The following NADSYN1 variants were observed in gnomAD, a reference collection of about 807,000 sequenced individuals.
NADSYN1 encodes glutamine-dependent NAD(+) synthetase.
NADSYN1 carries 80 observed loss-of-function variants against 99.3 expected under a neutral mutation model. The ratio of observed to expected loss-of-function variants is 0.81; its 90% CI spans 0.67 to 0.97. The LOEUF (loss-of-function observed/expected upper bound fraction) is 0.97, where lower values mean the gene tolerates loss of function less well. NADSYN1 is among the 50% of genes least tolerant of loss of function. NADSYN1 has a pLI of 0.00. For missense variants in NADSYN1, 859 were observed against 948.5 expected (o/e 0.91, Z 1.24); for synonymous variants, 385 against 372.1 (o/e 1.03, Z -0.40).
Position 71,482,989 on chromosome 11 carries a change from G to A in NADSYN1, c.1291G>A (p.Ala431Thr). The stretch of plus-strand genomic sequence containing the variant: ...CTCCTCCCAGGAGACGTGCACCCGG[G>A]CCAGAGAGTTGGCCCAGCAGATTGG... ...KNSSQETCTR[A>T]RELAQQIGSH... Residue 431 changes from alanine to threonine, a missense_variant, in exon 14 of 21, where the codon GCC becomes ACC. Physicochemically the swap from Ala to Thr is moderately conservative, Grantham distance 58. Coordinates refer to ENST00000319023, the MANE Select transcript of NADSYN1 (RefSeq NM_018161.5). 1.2e-6 allele frequency: 2 copies of A among 1,612,348 alleles called. No homozygotes were observed. Among genetic ancestry groups the A allele is most frequent in the African/African-American group, 1.3e-5 (1 of 74,930 alleles).
At chr11:71,497,323 A>T in intron 18 of NADSYN1, 160 bp from the exon 19 acceptor site, 1 of 794,356 alleles carries the variant, frequency 1.3e-6, no homozygotes, top group Non-Finnish European at 2.0e-6. Flanking sequence ...CTACCTCCTT[A>T]CTGGCTGACT....
chr11:71,478,622 G>A (rs564387107), intron 10 of NADSYN1, 153 bp downstream of exon 10: 419 of 673,268 alleles, frequency 6.2e-4, no homozygotes, highest in Non-Finnish European at 9.1e-4. Context: ...AGGGGCTGGT[G>A]CCGCAGACAG....
intron 5 of NADSYN1, among the ~76,000 whole-genome samples, 170 bp from the exon 6 acceptor site, chr11:71,472,277 CTT>C (rs200618528): frequency 1.3e-5 from 2 of 152,210 alleles, no homozygotes; most frequent in Non-Finnish European, 2.9e-5. Context: ...CCTTCATACT[CTT>C]TTCTTTTTAC....
At chr11:71,475,983 G>A (rs951173037) in intron 9 of NADSYN1, 2 of 454,862 alleles carry the variant, frequency 4.4e-6, no homozygotes, top group Non-Finnish European at 8.8e-6. Context: ...CAAAGTGCTG[G>A]GATTACAGGT....
intron 13 of NADSYN1, 59 bp downstream of exon 13, chr11:71,482,084 G>C (rs902563099): frequency 2.7e-6 from 4 of 1,497,402 alleles, no homozygotes; most frequent in Non-Finnish European, 3.7e-6. Context: ...GGCTGCCTGA[G>C]TTAGGGACCT....
chr11:71,475,948 A>G, intron 9 of NADSYN1: 1 of 448,540 alleles, frequency 2.2e-6, no homozygotes, highest in Non-Finnish European at 4.5e-6. Context: ...TCCTGAGCTC[A>G]GGCAATCCAC....
In NADSYN1 at chr11:71,483,917, C is replaced by T. The variant is rs117951834; in HGVS notation, c.1320-395C>T. On this transcript the variant is annotated intron_variant, in intron 14 of 20. Transcript: ENST00000319023. The stretch of plus-strand genomic sequence containing the variant: ...GAGGAGAAACCTTGAAGACATGGTG[C>T]GGATGAAGGGAGTGGAGCCAGCCAC... 4.0e-4 allele frequency among the ~76,000 whole-genome samples: 61 copies of T among 152,316 alleles called. No individual in the cohort carries two copies. The East Asian group carries it at 0.011, about 26-fold the overall frequency.
chr11:71,475,962 C>T, intron 9 of NADSYN1: 2 of 453,066 alleles, frequency 4.4e-6, no homozygotes, highest in East Asian at 1.4e-4. Context: ...AATCCACGCA[C>T]CTCAGCCTCC....
chr11:71,496,959 T>C, intron 18 of NADSYN1: 1 of 158,288 alleles, frequency 6.3e-6, no homozygotes. Flanking sequence ...CACTGCAGCC[T>C]TGATGTCCCA....
intron 16 of NADSYN1, among the ~76,000 whole-genome samples, chr11:71,489,093 A>G (rs7113783): frequency 0.88 from 133,094 of 151,948 alleles, 58,682 homozygotes; most frequent in Non-Finnish European, 0.93. Flanking sequence ...CCAGCCCTGC[A>G]GGGTTAAGTT....
chr11:71,480,836 G>A lies in NADSYN1; in HGVS notation c.955G>A (p.Glu319Lys). ...CGAGGACTTGCTGGCACCCATCTCT[G>A]AGCCCATCGAGTGGAAATACCACAG... ...CHEDLLAPIS[E>K]PIEWKYHSPE... The change falls in exon 11 of 21, where the codon GAG becomes AAG. Residue 319 changes from glutamate (E) to lysine (K), a missense_variant. Glu to Lys is a moderately conservative substitution (Grantham distance 56). Transcript: ENST00000319023. The A allele has an allele frequency of 1.9e-6, 3 of 1,614,174 alleles. No homozygotes were observed. Among genetic ancestry groups the A allele is most frequent in the Middle Eastern group, 1.6e-4 (1 of 6,062 alleles).
rs527449315 is a variant in NADSYN1, at chr11:71,472,145, C to A, written c.408-304C>A. Reference sequence around the variant, plus strand: ...TCTCCATGAGGCAACGTGGCCAGTTCTCAGCAAATCCCCTGTGACACATCT... The same window carrying A: ...TCTCCATGAGGCAACGTGGCCAGTTATCAGCAAATCCCCTGTGACACATCT... On this transcript the variant is annotated intron_variant, in intron 5 of 20. Coordinates refer to ENST00000319023, the MANE Select transcript of NADSYN1 (RefSeq NM_018161.5). Among the ~76,000 whole-genome samples, 5 of 152,336 alleles carry A rather than the reference C, an allele frequency of 3.3e-5. No individual in the cohort carries two copies. In the South Asian group the frequency reaches 1.0e-3, roughly 32 times the overall value.
rs999450473 is a variant in NADSYN1, at chr11:71,480,697, G to A, written c.874-58G>A. On this transcript the variant is annotated intron_variant, in intron 10 of 20. Coordinates refer to ENST00000319023, the MANE Select transcript of NADSYN1 (RefSeq NM_018161.5). ...AGTCCTGCTTGTCTGTCGGTCCTGG[G>A]GACCCAGAGGGTTTCCGTGAAGCTG... is the stretch of plus-strand genomic sequence containing the variant. The A allele has an allele frequency of 5.2e-5, 83 of 1,610,996 alleles. No individual in the cohort carries two copies. In the African/African-American group the frequency reaches 8.8e-4, roughly 17 times the overall value.
intron 16 of NADSYN1, among the ~76,000 whole-genome samples, chr11:71,487,261 G>A (rs1248078365): frequency 1.3e-5 from 2 of 152,168 alleles, no homozygotes; most frequent in Non-Finnish European, 2.9e-5. Flanking sequence ...TGCCTCTGGT[G>A]CCTTTGTAAG....
At chr11:71,476,093 A>G (rs1394963629) in intron 9 of NADSYN1, 10 of 456,312 alleles carry the variant, frequency 2.2e-5, no homozygotes, top group Non-Finnish European at 4.4e-5. Context: ...GTGCACAAAT[A>G]CAACAAAAAG....
At position 71,472,457 on chromosome 11, in the gene NADSYN1, A is replaced by G. The variant is rs769138273; in HGVS notation, c.416A>G (p.Glu139Gly). The G allele has an allele frequency of 3.7e-6, 6 of 1,613,072 alleles. No homozygotes were observed. The highest frequency in any genetic ancestry group is 1.1e-5 in the South Asian group (1 of 91,072). ...FTPWSRSRHT[E>G]EYFLPRMIQD... ...GGTGTTTTCCTCTCCAGGCACACAGAGGAGTACTTTCTGCCTCGGATGATA... is the reference window on the plus strand; with the variant it reads ...GGTGTTTTCCTCTCCAGGCACACAGGGGAGTACTTTCTGCCTCGGATGATA... The change falls in exon 6 of 21, where the codon GAG (glutamate) becomes GGG (glycine). Residue 139 changes from glutamate (E) to glycine (G), a missense_variant. Coordinates refer to ENST00000319023, the MANE Select transcript of NADSYN1 (RefSeq NM_018161.5).
chr11:71,473,686 G>A lies in NADSYN1; in HGVS notation c.666G>A (p.Lys222=). The stretch of plus-strand genomic sequence containing the variant: ...ATCTCGTGACTATGGTCACCAGCAA[G>A]GTAGGGGCTGGGCCAGGGAGCGTGC... ...RVDLVTMVTS[K]NGGIYLLANQ... Residue 222 remains lysine (K), a splice_region_variant and synonymous_variant, in exon 8 of 21, where the codon AAG becomes AAA. Coordinates refer to ENST00000319023, the MANE Select transcript of NADSYN1 (RefSeq NM_018161.5). 1 of 1,607,728 alleles carries A rather than the reference G, an allele frequency of 6.2e-7. No individual in the cohort carries two copies. Among genetic ancestry groups the A allele is most frequent in the Non-Finnish European group, 8.5e-7 (1 of 1,175,316 alleles).
intron 5 of NADSYN1, among the ~76,000 whole-genome samples, chr11:71,471,532 G>A (rs1032036822): frequency 1.3e-5 from 2 of 152,172 alleles, no homozygotes; most frequent in African/African-American, 2.4e-5. Flanking sequence ...TCTTTGTTCC[G>A]GTGTCCAGGG....
chr11:71,484,354 C>T lies in NADSYN1; in HGVS notation c.1362C>T (p.Val454=), dbSNP rs775945972. 4 of 1,614,124 alleles carry T rather than the reference C, an allele frequency of 2.5e-6. No homozygotes were observed. Among genetic ancestry groups the T allele is most frequent in the Middle Eastern group, 1.6e-4 (1 of 6,084 alleles). The change falls in exon 15 of 21, where the codon GTC becomes GTT. Residue 454 remains valine (V), a synonymous_variant. Transcript: ENST00000319023. ...ACATCGATCCAGCCGTGAAGGCCGTCATGGGCATCTTCAGCCTGGTGACGG... is the reference window on the plus strand; with the variant it reads ...ACATCGATCCAGCCGTGAAGGCCGTTATGGGCATCTTCAGCCTGGTGACGG... ...SLNIDPAVKA[V]MGIFSLVTGK...
Sources: allele counts gnomAD v4.1 joint callset (sites outside exome capture counted in the v4.1 genomes callset), GRCh38; gene constraint gnomAD v4.1.1; transcripts MANE v1.5; gene names NCBI Gene and HGNC (gene_info 2026-07-23, HGNC 2026-07-21).